LHFPL1: variants seen among roughly 807,000 people sequenced by gnomAD.
The protein encoded by LHFPL1 is LHFPL tetraspan subfamily member 1, also known as LHFPL tetraspan subfamily member 1 protein.
LHFPL1 carries 4 observed loss-of-function variants against 12.1 expected under a neutral mutation model. That is an observed-to-expected ratio of 0.33 (90% CI 0.16 to 0.76). The LOEUF is 0.76. Ranked by LOEUF, LHFPL1 falls within the 30% of genes least tolerant of loss-of-function variation. LHFPL1 has a pLI of 0.61. For missense variants in LHFPL1, 141 were observed against 174.1 expected, an observed-to-expected ratio of 0.81 and a Z score of 1.07; for synonymous variants, 52 against 61.9, an observed-to-expected ratio of 0.84 and a Z score of 0.75.
chrX:112,646,181 G>A (rs1204105970), intron 3 of LHFPL1, among the ~76,000 whole-genome samples: 1 of 110,826 alleles, frequency 9.0e-6, no homozygotes, highest in African/African-American at 3.3e-5. Context: ...TTCAACTGAA[G>A]ACTCTGGTGG....
In LHFPL1 at chrX:112,652,352, C is replaced by T. The variant is rs191429312; in HGVS notation, c.481+8275G>A. Among the ~76,000 whole-genome samples, 156 of 111,995 alleles carry T rather than the reference C, an allele frequency of 1.4e-3. 1 individual carries two copies. Among genetic ancestry groups the T allele is most frequent in the African/African-American group, 4.9e-3 (151 of 30,895 alleles). ...GTGTGTGATCTTGGCAAGTCCTTTT[C>T]CAGGCCTCAGGTTTCTTGTCTTTAC... On this transcript the variant is annotated intron_variant, in intron 3 of 3. Coordinates refer to ENST00000371968, the MANE Select transcript of LHFPL1 (RefSeq NM_178175.4).
intron 3 of LHFPL1, among the ~76,000 whole-genome samples, chrX:112,637,227 T>A (rs1328611598): frequency 1.8e-5 from 2 of 112,228 alleles, no homozygotes; most frequent in Non-Finnish European, 3.8e-5. Flanking sequence ...TTATTCCAAG[T>A]TGCACATCAA....
intron 2 of LHFPL1, among the ~76,000 whole-genome samples, chrX:112,661,121 A>G (rs766966248): frequency 9.0e-5 from 10 of 111,437 alleles, no homozygotes; most frequent in African/African-American, 2.9e-4. Flanking sequence ...GTTTCTAAAC[A>G]TCAGGCAGGT....
intron 2 of LHFPL1, among the ~76,000 whole-genome samples, chrX:112,669,298 T>TAAAAGTG (rs1293431912): frequency 8.9e-6 from 1 of 112,125 alleles, no homozygotes; most frequent in Non-Finnish European, 1.9e-5. Flanking sequence ...TGTTTAAAAA[T>TAAAAGTG]AAAAGTGAAA....
In LHFPL1 at chrX:112,643,563, G is replaced by A. The variant is rs754860018; in HGVS notation, c.482-11962C>T. 7.3e-5 allele frequency among the ~76,000 whole-genome samples: 8 copies of A among 109,843 alleles called. No homozygotes were observed. In the East Asian group the frequency reaches 8.6e-4, roughly 12 times the overall value. ...AAAGTCATCAGATCTTGTGAGACTC[G>A]CTTATTATCATGAGAACAGCATGGG... On this transcript the variant is annotated intron_variant, in intron 3 of 3. Transcript: ENST00000371968.
intron 3 of LHFPL1, among the ~76,000 whole-genome samples, chrX:112,636,590 T>A (rs1217696112): frequency 3.6e-5 from 4 of 111,522 alleles, no homozygotes; most frequent in Non-Finnish European, 7.5e-5. Context: ...AGCATTCTAG[T>A]ATGTTACCCC....
intron 3 of LHFPL1, among the ~76,000 whole-genome samples, chrX:112,633,770 T>C (rs1031128432): frequency 8.9e-6 from 1 of 112,178 alleles, no homozygotes; most frequent in Non-Finnish European, 1.9e-5. Context: ...ATGAAAATAG[T>C]GCCTCTGAAG....
At chrX:112,642,240 G>A (rs1207028128) in intron 3 of LHFPL1, among the ~76,000 whole-genome samples, 1 of 104,804 alleles carries the variant, frequency 9.5e-6, no homozygotes, top group Non-Finnish European at 2.0e-5. Context: ...GTCAGGCCAA[G>A]CAGCTCATGC....
At chrX:112,642,460 A>G (rs1038624106) in intron 3 of LHFPL1, among the ~76,000 whole-genome samples, 2 of 108,049 alleles carry the variant, frequency 1.9e-5, no homozygotes, top group East Asian at 6.0e-4. Flanking sequence ...AAGTGTGTTC[A>G]CATTCTTTGA....
chrX:112,650,051 T>C (rs985111469), intron 3 of LHFPL1, among the ~76,000 whole-genome samples: 1 of 111,092 alleles, frequency 9.0e-6, no homozygotes, highest in Non-Finnish European at 1.9e-5. Context: ...CTATATGCCA[T>C]TGGGTATGAA....
At chrX:112,666,859 T>G (rs1299514397) in intron 2 of LHFPL1, among the ~76,000 whole-genome samples, 1 of 111,543 alleles carries the variant, frequency 9.0e-6, no homozygotes, top group African/African-American at 3.3e-5. Flanking sequence ...TGTGATAGCA[T>G]TTCTTTTCCA....
chrX:112,677,078 T>C (rs1187688275), intron 1 of LHFPL1, among the ~76,000 whole-genome samples: 4 of 111,987 alleles, frequency 3.6e-5, no homozygotes, highest in Non-Finnish European at 5.6e-5. Flanking sequence ...GAAGTATCAA[T>C]GAAAGTGAAA....
At chrX:112,673,180 C>G (rs1931558806) in intron 1 of LHFPL1, among the ~76,000 whole-genome samples, 1 of 111,515 alleles carries the variant, frequency 9.0e-6, no homozygotes, top group Admixed American at 9.5e-5. Context: ...CCACAATTCC[C>G]CTATTGATAC....
chrX:112,644,538 C>T (rs928493694), intron 3 of LHFPL1, among the ~76,000 whole-genome samples: 3 of 110,164 alleles, frequency 2.7e-5, no homozygotes, highest in Non-Finnish European at 5.7e-5. Context: ...AATAGGTAGA[C>T]GTGAAATTAG....
At chrX:112,671,557 G>T in intron 1 of LHFPL1, 153 bp from the exon 2 acceptor site, 1 of 1,111,848 alleles carries the variant, frequency 9.0e-7, no homozygotes, top group Non-Finnish European at 1.2e-6. Context: ...ATTCTCTCGA[G>T]GACCATTTGG....
rs1193101388 is a variant in LHFPL1 at position 112,643,392 on chromosome X, A to AAG, written c.482-11792_482-11791insCT. Among the ~76,000 whole-genome samples, 20 of 109,083 alleles carry AAG rather than the reference A, an allele frequency of 1.8e-4. No individual in the cohort carries two copies. The East Asian group carries it at 5.7e-3, about 31-fold the overall frequency. 94.7% of individuals were successfully genotyped at this position (109,083 alleles called of 115,157 possible). A position where few individuals can be genotyped will look rare whatever the true frequency, so the allele number is the denominator to read the frequency against. ...AGACTCCGTCTCAAAAAAAAAAAAA[A>AAG]AAAAAAAGAAAAAGAGGTTTACTTG... On this transcript the variant is annotated intron_variant, in intron 3 of 3. Transcript: ENST00000371968.
chrX:112,652,628 C>T (rs1394516630), intron 3 of LHFPL1, among the ~76,000 whole-genome samples: 1 of 111,787 alleles, frequency 8.9e-6, no homozygotes, highest in Non-Finnish European at 1.9e-5. Context: ...AAGAACCAGC[C>T]AAACCCAAAT....
At chrX:112,679,068 G>A (rs972195541) in intron 1 of LHFPL1, among the ~76,000 whole-genome samples, 36 of 111,320 alleles carry the variant, frequency 3.2e-4, no homozygotes, top group African/African-American at 1.1e-3. Flanking sequence ...TCTCTCATAA[G>A]TAATGGAAAA....
At position 112,647,017 on chromosome X, in the gene LHFPL1, C is replaced by T. The variant is rs148068327; in HGVS notation, c.481+13610G>A. On this transcript the variant is annotated intron_variant, in intron 3 of 3. Transcript: ENST00000371968. ...GCTCTCCATCTCAGGTTTTCCTCATCATAAAAATGGCATATTACTGTCAGC... is the reference window on the plus strand; with the variant it reads ...GCTCTCCATCTCAGGTTTTCCTCATTATAAAAATGGCATATTACTGTCAGC... Among the ~76,000 whole-genome samples, 470 of 111,803 alleles carry T rather than the reference C, an allele frequency of 4.2e-3. 1 individual carries two copies. The highest frequency in any genetic ancestry group is 0.014 in the African/African-American group (446 of 30,823).
Sources: gnomAD v4.1 joint callset for allele counts (sites outside exome capture counted in the v4.1 genomes callset) on GRCh38, gnomAD v4.1.1 for gene constraint, MANE v1.5 for transcripts, NCBI Gene and HGNC (gene_info 2026-07-23, HGNC 2026-07-21) for gene names.